Variants in DEPDC5 observed in about 807,000 individuals in gnomAD.
DEPDC5 encodes GATOR1 complex protein DEPDC5.
A neutral mutation model predicts 217.3 loss-of-function variants in DEPDC5; 73 were observed. That is an observed-to-expected ratio of 0.34 (90% CI 0.28 to 0.41). The LOEUF (loss-of-function observed/expected upper bound fraction) is 0.41. DEPDC5 is among the 10% of genes least tolerant of loss of function. DEPDC5 has a pLI of 1.00. For synonymous variants in DEPDC5, 733 were observed against 756.7 expected, an observed-to-expected ratio of 0.97 and a Z score of 0.51; for missense variants, 1,675 against 2,070.1, an observed-to-expected ratio of 0.81 and a Z score of 3.70.
chr22:31,893,617 G>A lies in DEPDC5; in HGVS notation c.4069G>A (p.Asp1357Asn). 1 of 1,612,786 alleles carries A rather than the reference G, an allele frequency of 6.2e-7. No homozygotes were observed. The highest frequency in any genetic ancestry group is 8.5e-7 in the Non-Finnish European group (1 of 1,179,478). The change falls in exon 39 of 43, where the codon GAT becomes AAT. Residue 1357 changes from aspartate (D) to asparagine (N), a missense_variant. By Grantham distance (23) the Asp-to-Asn change is conservative. Around this residue, in one of 11 missense-constraint regions of DEPDC5, gnomAD observed 182 missense variants for 290.1 expected, o/e 0.63. Coordinates refer to ENST00000651528, the MANE Select transcript of DEPDC5 (RefSeq NM_001242896.3). ...TVPEQRTVTLDVDVNNRTDRL... is the reference protein window; with the variant it reads ...TVPEQRTVTLNVDVNNRTDRL... ...CCCAGAGCAGAGGACTGTGACCCTG[G>A]ATGTTGACGTGAACAACCGCACAGA...
In DEPDC5 at chr22:31,848,066, A is replaced by G. The variant is rs138989621; in HGVS notation, c.3155+1099A>G. ...GCAACCATTAAACTTTAAAGTTCCA[A>G]AATGATCTCCTTTGATTCCAAGTCT... On this transcript the variant is annotated intron_variant, in intron 31 of 42. Transcript: ENST00000651528. 2.1e-3 allele frequency among the ~76,000 whole-genome samples: 317 copies of G among 152,328 alleles called. 5 individuals carry two copies. Among genetic ancestry groups the G allele is most frequent in the African/African-American group, 7.0e-3 (293 of 41,574 alleles).
intron 40 of DEPDC5, 41 bp from the exon 41 acceptor site, chr22:31,901,701 T>A: frequency 6.4e-7 from 1 of 1,564,576 alleles, no homozygotes; most frequent in Non-Finnish European, 8.7e-7. Context: ...ATTACAAACC[T>A]TGTGATCACA....
At chr22:31,831,402 C>CAA (rs1378626621) in intron 24 of DEPDC5, among the ~76,000 whole-genome samples, 1 of 152,114 alleles carries the variant, frequency 6.6e-6, no homozygotes, top group East Asian at 1.9e-4. Context: ...CAAGCAGTTC[C>CAA]AAAAGAAAAG....
chr22:31,816,129 G>A (rs1164485059), intron 21 of DEPDC5: 40 of 590,812 alleles, frequency 6.8e-5, no homozygotes, highest in Non-Finnish European at 8.1e-5. Flanking sequence ...GTGAAACGCC[G>A]TCTCTACTCA....
intron 31 of DEPDC5, among the ~76,000 whole-genome samples, chr22:31,852,297 C>CTATCCAACTTAT: frequency 6.6e-6 from 1 of 151,506 alleles, no homozygotes; most frequent in Non-Finnish European, 1.5e-5. Flanking sequence ...TATTTCATTT[C>CTATCCAACTTAT]TATCCAACTT....
At chr22:31,777,737 C>CT (rs1295115107) in intron 7 of DEPDC5, among the ~76,000 whole-genome samples, 2 of 151,944 alleles carry the variant, frequency 1.3e-5, no homozygotes, top group African/African-American at 4.8e-5. Flanking sequence ...GCCCCTATTT[C>CT]TTTTTGGTTT....
chr22:31,813,464 A>G (rs2088679597), intron 20 of DEPDC5, among the ~76,000 whole-genome samples: 2 of 152,168 alleles, frequency 1.3e-5, no homozygotes, highest in African/African-American at 4.8e-5. Context: ...TGTAGTCAGC[A>G]CTTGGAATCT....
chr22:31,834,745 AACCTCGTGATCCTG>A (rs1449705834), intron 25 of DEPDC5, among the ~76,000 whole-genome samples: 2 of 151,088 alleles, frequency 1.3e-5, no homozygotes, highest in African/African-American at 2.4e-5. Flanking sequence ...TCAAACTCCT[AACCTCGTGATCCTG>A]ACCTCGTGAT....
At chr22:31,854,815 T>C (rs1048928097) in intron 31 of DEPDC5, among the ~76,000 whole-genome samples, 4 of 152,198 alleles carry the variant, frequency 2.6e-5, no homozygotes, top group Non-Finnish European at 5.9e-5. Context: ...ACATCCAGAC[T>C]GTGTAAGTTT....
chr22:31,785,049 A>G, intron 10 of DEPDC5, 174 bp downstream of exon 10: 1 of 566,960 alleles, frequency 1.8e-6, no homozygotes, highest in Non-Finnish European at 3.1e-6. Flanking sequence ...AAAAACACAA[A>G]GCTAACATCA....
At chr22:31,820,743 C>T (rs892509004) in intron 22 of DEPDC5, among the ~76,000 whole-genome samples, 5 of 152,168 alleles carry the variant, frequency 3.3e-5, no homozygotes, top group Admixed American at 6.5e-5. Flanking sequence ...TCTTCATGTA[C>T]ACTTTATTGG....
chr22:31,893,494 G>C (rs1446666831), intron 38 of DEPDC5, 88 bp from the exon 39 acceptor site: 1 of 1,341,776 alleles, frequency 7.5e-7, no homozygotes, highest in African/African-American at 1.5e-5. Flanking sequence ...CTTGTATATA[G>C]TTTCATATCT....
chr22:31,900,636 G>A (rs2149412912), intron 40 of DEPDC5, among the ~76,000 whole-genome samples: 1 of 152,252 alleles, frequency 6.6e-6, no homozygotes, highest in South Asian at 2.1e-4. Context: ...CTACTCGGGA[G>A]GCTGAGGCAG....
rs767359621 is a variant in DEPDC5 at position 31,821,542 on chromosome 22, A to G, written c.1911A>G (p.Arg637=). 6.8e-6 allele frequency: 11 copies of G among 1,614,230 alleles called. No individual in the cohort carries two copies. The East Asian group carries it at 2.2e-4, about 33-fold the overall frequency. ...CCATCCAGATCCACCACCAGACCCG[A>G]CAGAATATGGCGGAGCTACAAGGCA... is the stretch of plus-strand genomic sequence containing the variant. The part of the protein sequence containing the change: ...GEAIQIHHQT[R]QNMAELQGSG... The change falls in exon 23 of 43, where the codon CGA becomes CGG. Residue 637 remains arginine (R), a synonymous_variant. Transcript: ENST00000651528.
chr22:31,828,221 C>T (rs544079320), intron 24 of DEPDC5, among the ~76,000 whole-genome samples: 23 of 152,274 alleles, frequency 1.5e-4, no homozygotes, highest in African/African-American at 5.1e-4. Flanking sequence ...GAGGCCAAGG[C>T]GGGCGGATCA....
At chr22:31,870,824 A>T (rs1431195317) in intron 34 of DEPDC5, 80 bp downstream of exon 34, 2 of 1,407,160 alleles carry the variant, frequency 1.4e-6, no homozygotes, top group East Asian at 5.3e-5. Flanking sequence ...GCTGAAGTCC[A>T]AAGCTCTGGG....
intron 18 of DEPDC5, 39 bp downstream of exon 18, chr22:31,806,230 T>A (rs1469167903): frequency 6.4e-7 from 1 of 1,558,402 alleles, no homozygotes; most frequent in African/African-American, 1.4e-5. Flanking sequence ...TCTTATTATG[T>A]GGTCCAGTCT....
At chr22:31,867,979 T>TTCTCATTTAAATTTACGGCATGG (rs1555912344) in intron 33 of DEPDC5, among the ~76,000 whole-genome samples, 2 of 152,180 alleles carry the variant, frequency 1.3e-5, no homozygotes, top group Non-Finnish European at 2.9e-5. Context: ...AGTTAGCTTA[T>TTCTCATTTAAATTTACGGCATGG]TCTCATTTAA....
At chr22:31,793,660 C>T (rs2148523779) in intron 12 of DEPDC5, among the ~76,000 whole-genome samples, 1 of 152,254 alleles carries the variant, frequency 6.6e-6, no homozygotes, top group South Asian at 2.1e-4. Context: ...AACTCCGCCT[C>T]CCAGGTTCAA....
Sources: allele counts gnomAD v4.1 joint callset (sites outside exome capture counted in the v4.1 genomes callset), GRCh38; gene constraint gnomAD v4.1.1; regional missense constraint gnomAD v4.1.1; transcripts MANE v1.5; gene names NCBI Gene and HGNC (gene_info 2026-07-23, HGNC 2026-07-21).